The following FAM120C variants were observed in gnomAD, a reference collection of about 807,000 sequenced individuals.
FAM120C encodes the protein constitutive coactivator of PPAR-gamma-like protein 2.
In FAM120C, 14 loss-of-function variants were observed where a neutral mutation model predicts 71.2. The observed-to-expected ratio is 0.20, with a 90% CI of 0.13 to 0.31. The LOEUF is 0.31. Among genes scored for constraint, FAM120C ranks in the 10% least tolerant of loss-of-function variants. The pLI is 1.00. For synonymous variants in FAM120C, 354 were observed against 353.2 expected (o/e 1.00, Z -0.03); for missense variants, 500 against 879.0 (o/e 0.57, Z 5.45).
At chrX:54,079,189 G>A (rs886841799) in intron 15 of FAM120C, among the ~76,000 whole-genome samples, 2 of 104,707 alleles carry the variant, frequency 1.9e-5, no homozygotes, top group Admixed American at 1.0e-4. Flanking sequence ...GTGAACCCGG[G>A]AGGCGGAGCT....
intron 15 of FAM120C, among the ~76,000 whole-genome samples, chrX:54,075,797 CAA>C (rs34032200): frequency 2.7e-4 from 12 of 44,694 alleles, no homozygotes; most frequent in Admixed American, 3.1e-4. Flanking sequence ...GACTCTGTCT[CAA>C]AAAAAAAAAA....
Position 54,151,320 on chromosome X carries a change from A to C in FAM120C, c.1083T>G (p.Val361=), listed in dbSNP as rs1298939659. ...LPPCDVVIKA[V]SEYVSSIKDP... ...CTTTGATGGAACTGACATACTCAGA[A>C]ACAGCCTTGATCACCACGTCACAGG... is the stretch of plus-strand genomic sequence containing the variant. Residue 361 remains valine, a synonymous_variant, in exon 4 of 16, where the codon GTT becomes GTG. Coordinates refer to ENST00000375180, the MANE Select transcript of FAM120C (RefSeq NM_017848.6). 8.3e-7 allele frequency: 1 copy of C among 1,208,868 alleles called. No individual in the cohort carries two copies. The highest frequency in any genetic ancestry group is 1.1e-6 in the Non-Finnish European group (1 of 894,782).
chrX:54,080,268 A>C lies in FAM120C; in HGVS notation c.3000T>G (p.Gly1000=). ...CTTTTTTGTGTCCCTTGGATCCTCT[A>C]CCAGTCTGTTCTTTTCCATGCCTTT... ...PGKGHGKEQT[G]RGSKGHKKGN... Residue 1000 remains glycine (G), a synonymous_variant, in exon 15 of 16, where the codon GGT becomes GGG. Coordinates refer to ENST00000375180, the MANE Select transcript of FAM120C (RefSeq NM_017848.6). 8.3e-7 allele frequency: 1 copy of C among 1,209,708 alleles called. No homozygotes were observed. Among genetic ancestry groups the C allele is most frequent in the Non-Finnish European group, 1.1e-6 (1 of 894,219 alleles).
chrX:54,170,330 A>C (rs1557135778), intron 1 of FAM120C, among the ~76,000 whole-genome samples: 1 of 110,103 alleles, frequency 9.1e-6, no homozygotes, highest in Non-Finnish European at 1.9e-5. Flanking sequence ...AGAGAGTTTC[A>C]CCATGTTGGC....
chrX:54,164,738 G>C (rs1343425680), intron 1 of FAM120C, among the ~76,000 whole-genome samples: 1 of 111,943 alleles, frequency 8.9e-6, no homozygotes, highest in Non-Finnish European at 1.9e-5. Context: ...ATATCTCTTA[G>C]AGATCCTGCT....
chrX:54,138,942 C>T (rs200461040), intron 4 of FAM120C, among the ~76,000 whole-genome samples: 4 of 111,616 alleles, frequency 3.6e-5, no homozygotes, highest in African/African-American at 1.3e-4. Flanking sequence ...CAAGCCTTTT[C>T]CAAAGTTATT....
At chrX:54,089,508 T>C (rs1449912937) in intron 11 of FAM120C, among the ~76,000 whole-genome samples, 1 of 111,944 alleles carries the variant, frequency 8.9e-6, no homozygotes, top group Non-Finnish European at 1.9e-5. Flanking sequence ...TCTGAGTCTA[T>C]TCCACCTTTC....
chrX:54,177,624 A>G, intron 1 of FAM120C, among the ~76,000 whole-genome samples: 1 of 111,744 alleles, frequency 8.9e-6, no homozygotes, highest in South Asian at 3.8e-4. Flanking sequence ...GTGACCTAAA[A>G]GACATCAAGT....
At chrX:54,151,071 C>G (rs996417243) in intron 4 of FAM120C, among the ~76,000 whole-genome samples, 174 bp downstream of exon 4, 1 of 111,683 alleles carries the variant, frequency 9.0e-6, no homozygotes, top group East Asian at 2.8e-4. Flanking sequence ...AGGGCACTTT[C>G]AATCCAGGCT....
chrX:54,139,029 TCA>T (rs1332758318), intron 4 of FAM120C, among the ~76,000 whole-genome samples: 1 of 112,193 alleles, frequency 8.9e-6, no homozygotes, highest in Non-Finnish European at 1.9e-5. Context: ...AAAGTCATTT[TCA>T]GTTTCTAATT....
intron 10 of FAM120C, among the ~76,000 whole-genome samples, chrX:54,108,520 T>C (rs889057082): frequency 8.9e-6 from 1 of 111,751 alleles, no homozygotes; most frequent in African/African-American, 3.2e-5. Flanking sequence ...TTGTGCTGCC[T>C]GATATTAAGG....
At chrX:54,081,188 AG>A (rs1341514050) in intron 14 of FAM120C, 133 bp downstream of exon 14, 2 of 615,200 alleles carry the variant, frequency 3.3e-6, no homozygotes, top group African/African-American at 2.3e-5. Context: ...AGAGAAAGAA[AG>A]AAAAAAAGAA....
intron 9 of FAM120C, 99 bp from the exon 10 acceptor site, chrX:54,116,893 C>T: frequency 1.0e-6 from 1 of 987,623 alleles, no homozygotes. Context: ...CATTTCAACT[C>T]TTAATTTTCT....
At chrX:54,148,712 G>A (rs1240161223) in intron 4 of FAM120C, among the ~76,000 whole-genome samples, 1 of 111,370 alleles carries the variant, frequency 9.0e-6, no homozygotes, top group Non-Finnish European at 1.9e-5. Context: ...CTACCACTAC[G>A]CACCTATTAG....
At chrX:54,157,136 T>C (rs1177318499) in intron 3 of FAM120C, among the ~76,000 whole-genome samples, 1 of 111,901 alleles carries the variant, frequency 8.9e-6, no homozygotes, top group Non-Finnish European at 1.9e-5. Flanking sequence ...TTTTCTCTCT[T>C]GTGAATTTTC....
chrX:54,088,354 G>A (rs1348909532), intron 11 of FAM120C, among the ~76,000 whole-genome samples: 1 of 110,953 alleles, frequency 9.0e-6, no homozygotes, highest in East Asian at 2.8e-4. Context: ...CACTTCGGGA[G>A]GCTGAGGCAG....
intron 15 of FAM120C, among the ~76,000 whole-genome samples, chrX:54,079,096 T>C (rs2066750907): frequency 9.3e-6 from 1 of 107,933 alleles, no homozygotes; most frequent in South Asian, 4.1e-4. Context: ...CCATCTCTAC[T>C]AAAAACACAC....
chrX:54,174,728 T>A (rs1356087775), intron 1 of FAM120C, among the ~76,000 whole-genome samples: 4 of 112,047 alleles, frequency 3.6e-5, no homozygotes, highest in Non-Finnish European at 7.5e-5. Context: ...ACACTACTGA[T>A]CAATGAAAAT....
intron 10 of FAM120C, among the ~76,000 whole-genome samples, chrX:54,100,479 C>T (rs1398516949): frequency 9.1e-6 from 1 of 110,092 alleles, no homozygotes; most frequent in Non-Finnish European, 1.9e-5. Context: ...GGTGACAGAG[C>T]GAGACTCCAT....
Sources: gnomAD v4.1 joint callset for allele counts (sites outside exome capture counted in the v4.1 genomes callset) on GRCh38, gnomAD v4.1.1 for gene constraint, MANE v1.5 for transcripts, NCBI Gene and HGNC (gene_info 2026-07-23, HGNC 2026-07-21) for gene names.